Variants in UBQLN1 observed in about 807,000 individuals in gnomAD.
The protein encoded by UBQLN1 is ubiquilin 1.
In UBQLN1, 13 loss-of-function variants were observed where a neutral mutation model predicts 65.4. The ratio of observed to expected loss-of-function variants is 0.20; its 90% CI spans 0.13 to 0.32. The LOEUF is 0.32. Ranked by LOEUF, UBQLN1 falls within the 10% of genes least tolerant of loss-of-function variation. The pLI is 1.00. For missense variants in UBQLN1, 561 were observed against 724.0 expected, an observed-to-expected ratio of 0.77 and a Z score of 2.58; for synonymous variants, 267 against 247.8, an observed-to-expected ratio of 1.08 and a Z score of -0.73.
At chr9:83,667,786 T>C in intron 7 of UBQLN1, 1 of 972,892 alleles carries the variant, frequency 1.0e-6, no homozygotes. Context: ...CTCAAGAGTC[T>C]TTTTAAATAT....
chr9:83,705,002 C>T (rs1328764030), intron 1 of UBQLN1, among the ~76,000 whole-genome samples: 1 of 151,988 alleles, frequency 6.6e-6, no homozygotes, highest in Non-Finnish European at 1.5e-5. Context: ...TAATCTTTTG[C>T]AGTAAAATGC....
At chr9:83,682,077 G>C (rs146251461) in intron 3 of UBQLN1, among the ~76,000 whole-genome samples, 5 of 152,140 alleles carry the variant, frequency 3.3e-5, no homozygotes, top group Non-Finnish European at 5.9e-5. Context: ...AAATTCAGGA[G>C]ATCTAGACCA....
intron 1 of UBQLN1, among the ~76,000 whole-genome samples, chr9:83,693,162 T>G (rs1832156282): frequency 6.6e-6 from 1 of 152,156 alleles, no homozygotes; most frequent in African/African-American, 2.4e-5. Context: ...AGAATCAAAA[T>G]TCTAATGCAC....
chr9:83,700,631 C>A (rs990180442), intron 1 of UBQLN1, among the ~76,000 whole-genome samples: 2 of 152,134 alleles, frequency 1.3e-5, no homozygotes, highest in African/African-American at 4.8e-5. Flanking sequence ...GAGAAACTGA[C>A]CTTTGCATTA....
intron 1 of UBQLN1, among the ~76,000 whole-genome samples, chr9:83,696,594 G>A (rs936786319): frequency 3.3e-5 from 5 of 151,648 alleles, no homozygotes; most frequent in African/African-American, 1.2e-4. Context: ...AGCTGTGATC[G>A]CACTACTGCA....
At chr9:83,698,870 T>C (rs1832264769) in intron 1 of UBQLN1, among the ~76,000 whole-genome samples, 1 of 149,114 alleles carries the variant, frequency 6.7e-6, no homozygotes, top group Non-Finnish European at 1.5e-5. Context: ...GCCATGATTG[T>C]GCCACTGCAC....
rs143607698 is a variant in UBQLN1 at position 83,669,239 on chromosome 9, G to T, written c.1194C>A (p.Pro398=). 4 of 1,612,274 alleles carry T rather than the reference G, an allele frequency of 2.5e-6. No homozygotes were observed. Among genetic ancestry groups the T allele is most frequent in the Non-Finnish European group, 3.4e-6 (4 of 1,179,718 alleles). The change falls in exon 7 of 11, where the codon CCC becomes CCA. Residue 398 remains proline (P), a synonymous_variant. Coordinates refer to ENST00000376395, the MANE Select transcript of UBQLN1 (RefSeq NM_013438.5). ...GTGACTGCATCATGCTTCTCATGTAGGGGGCAGACAACATGTTTTGCATCA... is the reference window on the plus strand; with the variant it reads ...GTGACTGCATCATGCTTCTCATGTATGGGGCAGACAACATGTTTTGCATCA... The part of the protein sequence containing the change: ...PQLMQNMLSA[P]YMRSMMQSLS...
chr9:83,691,298 G>A (rs4877797), intron 1 of UBQLN1, among the ~76,000 whole-genome samples: 40,556 of 151,950 alleles, frequency 0.27, 6,633 homozygotes, highest in East Asian at 0.8. Context: ...TATAAGACAT[G>A]AAAATGACAA....
chr9:83,665,732 T>C (rs1831633750), intron 8 of UBQLN1, among the ~76,000 whole-genome samples: 1 of 152,220 alleles, frequency 6.6e-6, no homozygotes, highest in Non-Finnish European at 1.5e-5. Context: ...GAGAGTCATT[T>C]GCATAATACA....
intron 6 of UBQLN1, among the ~76,000 whole-genome samples, chr9:83,676,821 T>A (rs756874367): frequency 6.6e-6 from 1 of 152,240 alleles, no homozygotes; most frequent in Non-Finnish European, 1.5e-5. Flanking sequence ...TTCCTACTTA[T>A]ACGCCAAGTA....
intron 1 of UBQLN1, among the ~76,000 whole-genome samples, chr9:83,705,718 C>T (rs1832391894): frequency 6.6e-6 from 1 of 152,130 alleles, no homozygotes; most frequent in African/African-American, 2.4e-5. Flanking sequence ...TGACCTTCAA[C>T]AGTGAATAGA....
At chr9:83,684,060 T>TA (rs1831996364) in intron 2 of UBQLN1, among the ~76,000 whole-genome samples, 1 of 152,110 alleles carries the variant, frequency 6.6e-6, no homozygotes, top group South Asian at 2.1e-4. Context: ...ACAACTTTTT[T>TA]ATCTATCCCC....
At chr9:83,701,287 A>G (rs1011045643) in intron 1 of UBQLN1, among the ~76,000 whole-genome samples, 8 of 152,300 alleles carry the variant, frequency 5.3e-5, no homozygotes, top group Non-Finnish European at 1.2e-4. Flanking sequence ...GAGTGGCATT[A>G]TTTTAAATTT....
At chr9:83,667,829 T>A (rs1831666701) in intron 7 of UBQLN1, 1 of 974,454 alleles carries the variant, frequency 1.0e-6, no homozygotes, top group Admixed American at 6.2e-5. Context: ...AACCACAAAT[T>A]TTAATCTGCA....
chr9:83,680,038 C>G lies in UBQLN1; in HGVS notation c.449-1G>C, dbSNP rs1219648816. On this transcript the variant is annotated splice_acceptor_variant, in intron 3 of 10. Transcript: ENST00000376395. LOFTEE classifies it high-confidence loss of function. ...AGACCTGCAAGTCCCCCAAGGCCAC[C>G]TAAGAGGATAAAGGGCAAAAACATA... 1 of 1,606,302 alleles carries G rather than the reference C, an allele frequency of 6.2e-7. No individual in the cohort carries two copies. Among genetic ancestry groups the G allele is most frequent in the African/African-American group, 1.3e-5 (1 of 74,726 alleles).
chr9:83,677,128 G>A (rs371834144), intron 6 of UBQLN1, among the ~76,000 whole-genome samples: 113 of 152,276 alleles, frequency 7.4e-4, no homozygotes, highest in African/African-American at 2.7e-3. Context: ...ACCTCAAGAC[G>A]GGTGCTTGAC....
intron 1 of UBQLN1, among the ~76,000 whole-genome samples, chr9:83,707,207 G>A (rs970370218): frequency 1.3e-5 from 2 of 152,152 alleles, no homozygotes; most frequent in South Asian, 4.1e-4. Context: ...GGGAGGCGAC[G>A]GAGGGCGGGG....
rs750268209 is a variant in UBQLN1, at chr9:83,697,551, C to CAAAAA, written c.180+9944_180+9948dup. 1.7e-4 allele frequency among the ~76,000 whole-genome samples: 6 copies of CAAAAA among 34,476 alleles called. 1 individual carries two copies. Among genetic ancestry groups the CAAAAA allele is most frequent in the Admixed American group, 4.3e-4 (1 of 2,312 alleles). 22.6% of individuals were successfully genotyped at this position (34,476 alleles called of 152,430 possible). ...GGGGCAACAGTGCAAGACACTGTCT[C>CAAAAA]AAAAAAAAAAAAAAAAAAAAAAAAA... is the stretch of plus-strand genomic sequence containing the variant. On this transcript the variant is annotated intron_variant, in intron 1 of 10. Coordinates refer to ENST00000376395, the MANE Select transcript of UBQLN1 (RefSeq NM_013438.5).
chr9:83,664,220 G>A (rs2131140419), intron 9 of UBQLN1, among the ~76,000 whole-genome samples, 177 bp from the exon 10 acceptor site: 1 of 152,218 alleles, frequency 6.6e-6, no homozygotes, highest in South Asian at 2.1e-4. Flanking sequence ...TTTGAGATCA[G>A]CTTAGGCAAC....
Sources: allele counts gnomAD v4.1 joint callset (sites outside exome capture counted in the v4.1 genomes callset), GRCh38; gene constraint gnomAD v4.1.1; transcripts MANE v1.5; gene names NCBI Gene and HGNC (gene_info 2026-07-23, HGNC 2026-07-21).